Variants in EPB41 observed in about 807,000 individuals in gnomAD.
EPB41 encodes the protein erythrocyte membrane protein band 4.1.
A neutral mutation model predicts 108.0 loss-of-function variants in EPB41; 65 were observed. The ratio of observed to expected loss-of-function variants is 0.60; its 90% CI spans 0.49 to 0.74. The LOEUF (loss-of-function observed/expected upper bound fraction) is 0.74, where lower values mean the gene tolerates loss of function less well. Among genes scored for constraint, EPB41 ranks in the 30% least tolerant of loss-of-function variants. EPB41 has a pLI of 0.00. For synonymous variants in EPB41, 336 were observed against 358.9 expected (o/e 0.94, Z 0.72); for missense variants, 875 against 1,037.0 (o/e 0.84, Z 2.15).
intron 17 of EPB41, among the ~76,000 whole-genome samples, chr1:29,102,001 A>T (rs2151556940): frequency 6.6e-6 from 1 of 152,384 alleles, no homozygotes; most frequent in Non-Finnish European, 1.5e-5. Flanking sequence ...AGGAAACAAG[A>T]AAAAAGAAAT....
intron 17 of EPB41, among the ~76,000 whole-genome samples, chr1:29,108,999 G>T (rs1351914378): frequency 6.6e-6 from 1 of 151,420 alleles, no homozygotes; most frequent in Non-Finnish European, 1.5e-5. Flanking sequence ...GGGAGTTTGA[G>T]ACCAGCCTGA....
At chr1:29,069,402 A>G (rs770954174) in intron 16 of EPB41, 113 of 1,228,918 alleles carry the variant, frequency 9.2e-5, no homozygotes, top group Admixed American at 8.0e-4. Flanking sequence ...AAGTGTCTAA[A>G]GCATTTGCTT....
intron 1 of EPB41, among the ~76,000 whole-genome samples, chr1:28,891,167 T>C (rs1391147295): frequency 1.3e-5 from 2 of 152,348 alleles, no homozygotes; most frequent in Non-Finnish European, 2.9e-5. Flanking sequence ...GGACCTCAGT[T>C]GCCTCATCTG....
At chr1:28,919,262 T>C (rs925436368) in intron 1 of EPB41, among the ~76,000 whole-genome samples, 2 of 152,196 alleles carry the variant, frequency 1.3e-5, no homozygotes, top group African/African-American at 4.8e-5. Flanking sequence ...ATAAATTGGC[T>C]AGCTCTTTGA....
At chr1:29,075,970 A>G (rs1423200846) in intron 16 of EPB41, among the ~76,000 whole-genome samples, 4 of 152,204 alleles carry the variant, frequency 2.6e-5, no homozygotes, top group Admixed American at 2.0e-4. Context: ...CTGAGATAAC[A>G]TATTACATCT....
At chr1:29,099,087 T>A (rs1375642755) in intron 17 of EPB41, among the ~76,000 whole-genome samples, 2 of 148,884 alleles carry the variant, frequency 1.3e-5, no homozygotes, top group Non-Finnish European at 1.5e-5. Context: ...GGCGGGCAGA[T>A]CACGAGGTCA....
rs557047271 is a variant in EPB41 at position 28,993,404 on chromosome 1, A to T, written c.543A>T (p.Lys181Asn). The T allele has an allele frequency of 6.2e-7, 1 of 1,613,968 alleles. No homozygotes were observed. The highest frequency in any genetic ancestry group is 2.2e-5 in the East Asian group (1 of 44,864). Reference protein sequence around the residue: ...KEGEGLEECSKIEVKEESPQS... With the variant: ...KEGEGLEECSNIEVKEESPQS... The stretch of plus-strand genomic sequence containing the variant: ...GAGAAGGACTTGAAGAGTGCTCCAA[A>T]ATAGAAGTAAAAGAAGAAAGCCCTC... The change falls in exon 3 of 21, where the codon AAA becomes AAT. Residue 181 changes from lysine (K) to asparagine (N), a missense_variant. By Grantham distance (94) the Lys-to-Asn change is moderately conservative. Transcript: ENST00000343067.
At chr1:28,934,666 T>TTTGTGTGTG (rs1553174370) in intron 1 of EPB41, among the ~76,000 whole-genome samples, 10,960 of 136,356 alleles carry the variant, frequency 0.08, 673 homozygotes, top group East Asian at 0.25. Flanking sequence ...TCTTTTGACA[T>TTTGTGTGTG]TGTGTGTGTG....
At chr1:29,024,758 C>A (rs1431365868) in intron 7 of EPB41, among the ~76,000 whole-genome samples, 1 of 152,072 alleles carries the variant, frequency 6.6e-6, no homozygotes, top group Non-Finnish European at 1.5e-5. Flanking sequence ...AGAATGTAAA[C>A]CCAATTAGGT....
At chr1:28,925,799 G>T (rs2093412878) in intron 1 of EPB41, among the ~76,000 whole-genome samples, 2 of 152,266 alleles carry the variant, frequency 1.3e-5, no homozygotes, top group Non-Finnish European at 2.9e-5. Context: ...GTGCCTTATT[G>T]CCTGTGTTAA....
chr1:29,060,930 CAGA>C (rs747767369), intron 15 of EPB41, among the ~76,000 whole-genome samples: 7 of 151,844 alleles, frequency 4.6e-5, no homozygotes, highest in Non-Finnish European at 8.8e-5. Context: ...AGAAAAATGA[CAGA>C]AGAACTGTCG....
chr1:29,111,139 C>T (rs1195355788), intron 18 of EPB41, among the ~76,000 whole-genome samples: 1 of 151,210 alleles, frequency 6.6e-6, no homozygotes, highest in African/African-American at 2.4e-5. Flanking sequence ...TGCACTCTAG[C>T]CTGAGCAACA....
At chr1:29,060,313 G>A (rs1646289569) in intron 14 of EPB41, 109 bp from the exon 15 acceptor site, 5 of 885,022 alleles carry the variant, frequency 5.6e-6, no homozygotes, top group Non-Finnish European at 7.3e-6. Flanking sequence ...CTGCGCTGTG[G>A]ACATTTATTT....
In EPB41 at chr1:29,018,479, T is replaced by G. The variant is rs911979168; in HGVS notation, c.1124+37T>G. ...TCCAGGGTTTGTTCGGTGTTTGTTTTGGCGATTAGTTTAAACACAACATGG... is the reference window on the plus strand; with the variant it reads ...TCCAGGGTTTGTTCGGTGTTTGTTTGGGCGATTAGTTTAAACACAACATGG... On this transcript the variant is annotated intron_variant, in intron 7 of 20. Transcript: ENST00000343067. The surrounding 1 kb of genome is among the most constrained non-coding windows in gnomAD (Gnocchi z 4.4). 6.6e-7 allele frequency: 1 copy of G among 1,525,370 alleles called. No individual in the cohort carries two copies. The highest frequency in any genetic ancestry group is 2.0e-5 in the African/African-American group (1 of 48,872). The allele number at this position is 1,525,370 out of a possible 1,614,324, so 94.5% of individuals were successfully genotyped here. A position where few individuals can be genotyped will look rare whatever the true frequency, so the allele number is the denominator to read the frequency against.
chr1:29,032,355 T>C (rs148513580), intron 8 of EPB41, among the ~76,000 whole-genome samples: 2 of 152,314 alleles, frequency 1.3e-5, no homozygotes, highest in African/African-American at 4.8e-5. Flanking sequence ...AATGTAGTTA[T>C]ACCCACAAGC....
At chr1:29,011,573 A>G (rs537135018) in intron 4 of EPB41, among the ~76,000 whole-genome samples, 2 of 152,346 alleles carry the variant, frequency 1.3e-5, no homozygotes, top group East Asian at 1.9e-4. Flanking sequence ...CAGTAACACT[A>G]TGAAGTAGGC....
At chr1:28,892,630 G>T (rs1015037949) in intron 1 of EPB41, among the ~76,000 whole-genome samples, 1 of 151,620 alleles carries the variant, frequency 6.6e-6, no homozygotes, top group Non-Finnish European at 1.5e-5. Context: ...CAGGAGAATC[G>T]CTTGAACCAA....
At chr1:29,051,088 G>GTTTTTTTTTTTTTTTTTTTTTT (rs71586885) in intron 11 of EPB41, among the ~76,000 whole-genome samples, 1 of 51,576 alleles carries the variant, frequency 1.9e-5, no homozygotes, top group African/African-American at 8.8e-5. Flanking sequence ...TTCTTTTTCT[G>GTTTTTTTTTTTTTTTTTTTTTT]TTTTTTTTTT....
At chr1:29,069,249 G>C (rs181968022) in intron 16 of EPB41, 30 of 1,231,600 alleles carry the variant, frequency 2.4e-5, no homozygotes, top group African/African-American at 2.3e-4. Flanking sequence ...ATCAGAGAAG[G>C]CTAGCTCAAC....
Sources: allele counts gnomAD v4.1 joint callset (sites outside exome capture counted in the v4.1 genomes callset), GRCh38; gene constraint gnomAD v4.1.1; non-coding constraint Gnocchi (gnomAD v3.1); transcripts MANE v1.5; gene names NCBI Gene and HGNC (gene_info 2026-07-23, HGNC 2026-07-21).